APP: variants seen among roughly 807,000 people sequenced by gnomAD.
APP encodes the protein amyloid beta precursor protein, also known as amyloid-beta precursor protein.
Under a neutral mutation model 101.4 loss-of-function variants are expected in APP, and 31 were observed. That is an observed-to-expected ratio of 0.31 (90% CI 0.23 to 0.41). The LOEUF (loss-of-function observed/expected upper bound fraction) is 0.41. Among genes scored for constraint, APP ranks in the 10% least tolerant of loss-of-function variants. The pLI, the probability that APP is intolerant of heterozygous loss-of-function variation, is 1.00. For missense variants in APP, 839 were observed against 1,003.7 expected (o/e 0.84, Z 2.22); for synonymous variants, 366 against 364.4 (o/e 1.00, Z -0.05).
intron 15 of APP, among the ~76,000 whole-genome samples, chr21:25,900,783 C>G (rs1312555551): frequency 6.7e-6 from 1 of 149,620 alleles, no homozygotes; most frequent in Non-Finnish European, 1.5e-5. Context: ...GGGAGGATCA[C>G]GAGGTCAAGA....
At chr21:26,136,168 G>GAAAGA (rs2062903145) in intron 1 of APP, among the ~76,000 whole-genome samples, 1 of 34,694 alleles carries the variant, frequency 2.9e-5, no homozygotes, top group African/African-American at 1.4e-4. Context: ...AGAAAAGAAA[G>GAAAGA]AAAAGAAAGA....
chr21:26,135,465 T>G (rs2062876488), intron 1 of APP, among the ~76,000 whole-genome samples: 1 of 152,254 alleles, frequency 6.6e-6, no homozygotes, highest in Admixed American at 6.5e-5. Context: ...AGTTTTCTCC[T>G]TGACTTGGTG....
At chr21:26,015,474 T>A (rs2044013506) in intron 6 of APP, among the ~76,000 whole-genome samples, 1 of 152,208 alleles carries the variant, frequency 6.6e-6, no homozygotes, top group South Asian at 2.1e-4. Context: ...TAGTAGCTTG[T>A]AAGGCAAAGA....
chr21:26,027,825 G>GTCATTTCTT (rs1183385805), intron 5 of APP, among the ~76,000 whole-genome samples: 3 of 129,486 alleles, frequency 2.3e-5, no homozygotes, highest in Non-Finnish European at 4.6e-5. Flanking sequence ...TGCAGCTAAA[G>GTCATTTCTT]GCATAAGCCC....
At chr21:25,967,812 A>G (rs2041852793) in intron 11 of APP, among the ~76,000 whole-genome samples, 1 of 152,252 alleles carries the variant, frequency 6.6e-6, no homozygotes, top group Admixed American at 6.5e-5. Flanking sequence ...CAGGAAGTGC[A>G]TGACTGTAGA....
intron 13 of APP, among the ~76,000 whole-genome samples, chr21:25,925,712 T>A (rs762135): frequency 1 from 152,282 of 152,282 alleles, 76,141 homozygotes; most frequent in Non-Finnish European, 1. Flanking sequence ...AGGTGGGTGG[T>A]TCACTTGAGG....
At chr21:26,088,934 T>C (rs901138392) in intron 3 of APP, among the ~76,000 whole-genome samples, 2 of 152,238 alleles carry the variant, frequency 1.3e-5, no homozygotes, top group African/African-American at 2.4e-5. Flanking sequence ...ATTATGCACA[T>C]GAATGAACAG....
chr21:26,086,051 C>T (rs1041623809), intron 3 of APP, among the ~76,000 whole-genome samples: 2 of 152,124 alleles, frequency 1.3e-5, no homozygotes, highest in Non-Finnish European at 2.9e-5. Flanking sequence ...CTTTGCTGGT[C>T]AGAGACAAGT....
At chr21:26,028,882 T>C (rs114373160) in intron 5 of APP, among the ~76,000 whole-genome samples, 1,645 of 152,196 alleles carry the variant, frequency 0.011, 25 homozygotes, top group African/African-American at 0.038. Flanking sequence ...ATGGGGCTAA[T>C]TGCTAATGAA....
chr21:25,938,490 T>C (rs894021588), intron 13 of APP, among the ~76,000 whole-genome samples: 1 of 152,128 alleles, frequency 6.6e-6, no homozygotes, highest in African/African-American at 2.4e-5. Flanking sequence ...AACAAGTTTC[T>C]AAGAATCCTT....
chr21:25,929,186 A>G (rs962259510), intron 13 of APP, among the ~76,000 whole-genome samples: 12 of 152,230 alleles, frequency 7.9e-5, no homozygotes, highest in Non-Finnish European at 1.5e-4. Context: ...GGTGATTGTT[A>G]CGTGAAATTC....
chr21:26,077,100 T>C (rs529380830), intron 3 of APP, among the ~76,000 whole-genome samples: 98 of 152,072 alleles, frequency 6.4e-4, no homozygotes, highest in Non-Finnish European at 1.3e-3. Context: ...AAAAAGAAAT[T>C]TTCCAGATTA....
chr21:25,941,416 C>T (rs761434557), intron 13 of APP: 14 of 152,204 alleles, frequency 9.2e-5, no homozygotes, highest in Non-Finnish European at 1.3e-4. Context: ...GAAAAAAATA[C>T]GCAAAATTCT....
Position 26,136,197 on chromosome 21 carries a change from G to GAAAA in APP, c.58-24052_58-24051insTTTT, listed in dbSNP as rs1245682147. 3.7e-4 allele frequency among the ~76,000 whole-genome samples: 46 copies of GAAAA among 124,162 alleles called. 5 individuals carry two copies. The highest frequency in any genetic ancestry group is 6.9e-4 in the Non-Finnish European group (40 of 58,194). The allele number at this position is 124,162 out of a possible 152,430, so 81.5% of individuals were successfully genotyped here. A position where few individuals can be genotyped will look rare whatever the true frequency, so the allele number is the denominator to read the frequency against. On this transcript the variant is annotated intron_variant, in intron 1 of 17. Coordinates refer to ENST00000346798, the MANE Select transcript of APP (RefSeq NM_000484.4). Reference sequence around the variant, plus strand: ...AGAAAGAAAGAAAGAAAGAAAGAAAGAAAGAAAAGAAAAGAAAGAAAAGAA... The same window carrying GAAAA: ...AGAAAGAAAGAAAGAAAGAAAGAAAGAAAAAAAGAAAAGAAAAGAAAGAAAAGAA...
chr21:26,136,164 G>GAAAAGAAAGA (rs756453136), intron 1 of APP, among the ~76,000 whole-genome samples: 3 of 81,056 alleles, frequency 3.7e-5, no homozygotes, highest in Admixed American at 1.5e-4. Context: ...GAAAAGAAAA[G>GAAAAGAAAGA]AAAGAAAAGA....
chr21:26,103,939 G>A (rs1745849552), intron 2 of APP, among the ~76,000 whole-genome samples: 2 of 152,170 alleles, frequency 1.3e-5, no homozygotes, highest in Admixed American at 6.5e-5. Context: ...GCCTTACTGT[G>A]AATGGCTTAA....
chr21:26,073,437 A>G (rs951206620), intron 3 of APP, among the ~76,000 whole-genome samples: 2 of 152,132 alleles, frequency 1.3e-5, no homozygotes, highest in African/African-American at 4.8e-5. Flanking sequence ...CCAGAATGAT[A>G]GCAAAGAGCT....
At chr21:26,077,089 A>G (rs1303961156) in intron 3 of APP, among the ~76,000 whole-genome samples, 2 of 152,042 alleles carry the variant, frequency 1.3e-5, no homozygotes, top group Non-Finnish European at 2.9e-5. Flanking sequence ...GAAAGAAAGA[A>G]AAAAAGAAAT....
chr21:26,045,802 C>T (rs1479848630), intron 5 of APP, among the ~76,000 whole-genome samples: 1 of 152,142 alleles, frequency 6.6e-6, no homozygotes, highest in South Asian at 2.1e-4. Flanking sequence ...CATGGCCATA[C>T]GCACCCACAC....
Sources: gnomAD v4.1 joint callset for allele counts (sites outside exome capture counted in the v4.1 genomes callset) on GRCh38, gnomAD v4.1.1 for gene constraint, MANE v1.5 for transcripts, NCBI Gene and HGNC (gene_info 2026-07-23, HGNC 2026-07-21) for gene names.